The following RANBP2 variants were observed in gnomAD, a reference collection of about 807,000 sequenced individuals.
RANBP2 encodes E3 SUMO-protein ligase RanBP2.
A neutral mutation model predicts 303.6 loss-of-function variants in RANBP2; 57 were observed. The observed-to-expected ratio is 0.19, with a 90% CI of 0.15 to 0.23. The LOEUF is 0.23. Among genes scored for constraint, RANBP2 ranks in the 10% least tolerant of loss-of-function variants. The pLI is 1.00. For missense variants in RANBP2, 3,138 were observed against 3,780.8 expected (o/e 0.83, Z 4.46); for synonymous variants, 1,167 against 1,301.5 (o/e 0.90, Z 2.23).
At chr2:108,908,349 GTT>G in the RANBP2 span, among the ~76,000 whole-genome samples, 1 of 152,166 alleles carries the variant, frequency 6.6e-6, no homozygotes, top group Non-Finnish European at 1.5e-5. Context: ...CTCCGTGAAG[GTT>G]CATTGAATAT....
chr2:109,557,542 T>C, the RANBP2 span, among the ~76,000 whole-genome samples: 6 of 152,216 alleles, frequency 3.9e-5, no homozygotes, highest in African/African-American at 1.2e-4. Flanking sequence ...ACAAATCAGA[T>C]TGCCCCAATG....
chr2:108,794,592 T>A, the RANBP2 span: 1 of 1,614,130 alleles, frequency 6.2e-7, no homozygotes, highest in South Asian at 1.1e-5. Flanking sequence ...AGTGTTGTAG[T>A]GATGCAGGTG....
the RANBP2 span, among the ~76,000 whole-genome samples, chr2:109,648,814 G>A: frequency 5.3e-5 from 8 of 151,612 alleles, no homozygotes; most frequent in South Asian, 2.1e-4. Context: ...CCACCACTTC[G>A]GGCTCATTTT....
chr2:108,732,117 G>A (rs1041044535), intron 4 of RANBP2, among the ~76,000 whole-genome samples: 16 of 152,098 alleles, frequency 1.1e-4, no homozygotes, highest in African/African-American at 3.9e-4. Flanking sequence ...TTTATCGTGT[G>A]TGTACAATAT....
chr2:109,482,106 G>A, the RANBP2 span, among the ~76,000 whole-genome samples: 11 of 152,090 alleles, frequency 7.2e-5, no homozygotes, highest in African/African-American at 2.4e-4. Context: ...AGCAAGTCCC[G>A]GGTTCGAATG....
At chr2:108,952,636 C>T in the RANBP2 span, among the ~76,000 whole-genome samples, 1 of 152,282 alleles carries the variant, frequency 6.6e-6, no homozygotes, top group East Asian at 1.9e-4. Context: ...TTCTTTAAAT[C>T]CTTGAACATA....
chr2:108,787,095 G>A (rs1223989422), downstream of RANBP2, among the ~76,000 whole-genome samples: 2 of 152,070 alleles, frequency 1.3e-5, no homozygotes, highest in African/African-American at 2.4e-5. Flanking sequence ...TGCGCTGCGG[G>A]GGTGCGGGGG....
chr2:109,452,573 C>G, the RANBP2 span, among the ~76,000 whole-genome samples: 2 of 152,180 alleles, frequency 1.3e-5, no homozygotes, highest in Admixed American at 6.5e-5. Flanking sequence ...CTCCTGGGCG[C>G]CGTAGAGTAG....
the RANBP2 span, among the ~76,000 whole-genome samples, chr2:109,282,460 A>T: frequency 1.1e-4 from 17 of 152,160 alleles, no homozygotes; most frequent in Non-Finnish European, 2.5e-4. Context: ...CTGCCAGGTC[A>T]TGAGCACTGC....
chr2:109,049,914 G>T, the RANBP2 span, among the ~76,000 whole-genome samples: 5 of 152,180 alleles, frequency 3.3e-5, no homozygotes, highest in African/African-American at 4.8e-5. Context: ...GACACATCTG[G>T]TCAGAGTAAA....
chr2:109,503,622 G>A, the RANBP2 span: 1 of 152,176 alleles, frequency 6.6e-6, no homozygotes, highest in African/African-American at 2.4e-5. Flanking sequence ...AATCCTGTGC[G>A]TGTTTAAATT....
intron 20 of RANBP2, among the ~76,000 whole-genome samples, chr2:108,771,361 C>CA (rs1677484528): frequency 6.6e-6 from 1 of 151,872 alleles, no homozygotes; most frequent in Admixed American, 6.6e-5. Flanking sequence ...CTATTGTATG[C>CA]TAAGTATAGT....
the RANBP2 span, among the ~76,000 whole-genome samples, chr2:109,285,076 AG>A: frequency 6.6e-6 from 1 of 152,216 alleles, no homozygotes; most frequent in Non-Finnish European, 1.5e-5. Flanking sequence ...GTCCTGGAAG[AG>A]GCCCAGGCAG....
At chr2:108,978,614 C>T in the RANBP2 span, among the ~76,000 whole-genome samples, 1 of 152,076 alleles carries the variant, frequency 6.6e-6, no homozygotes, top group Admixed American at 6.5e-5. Context: ...ATAAATAATT[C>T]ATTTTAACTA....
At chr2:108,780,612 T>C (rs1678188730) in intron 25 of RANBP2, among the ~76,000 whole-genome samples, 1 of 150,840 alleles carries the variant, frequency 6.6e-6, no homozygotes, top group Non-Finnish European at 1.5e-5. Context: ...TCACTGCAAC[T>C]TCTGCCCCCC....
At chr2:109,182,432 A>G in the RANBP2 span, among the ~76,000 whole-genome samples, 48 of 152,316 alleles carry the variant, frequency 3.2e-4, no homozygotes, top group East Asian at 1.9e-4. Context: ...TTAGGGATCA[A>G]ATTTCCAACA....
intron 17 of RANBP2, among the ~76,000 whole-genome samples, chr2:108,758,023 C>T (rs759308530): frequency 3.9e-5 from 6 of 152,066 alleles, no homozygotes; most frequent in South Asian, 2.1e-4. Context: ...CAGGTCCGGG[C>T]GTGGTGGGTC....
At chr2:108,852,625 G>A in the RANBP2 span, among the ~76,000 whole-genome samples, 3 of 152,266 alleles carry the variant, frequency 2.0e-5, no homozygotes, top group Non-Finnish European at 4.4e-5. Flanking sequence ...CTTGGAGGCC[G>A]TTATCCTTAA....
At chr2:109,291,965 G>A in the RANBP2 span, among the ~76,000 whole-genome samples, 3 of 152,232 alleles carry the variant, frequency 2.0e-5, no homozygotes, top group Non-Finnish European at 2.9e-5. Context: ...TCAAGTTCAC[G>A]CCATTCTTAT....
Sources: allele counts gnomAD v4.1 joint callset (sites outside exome capture counted in the v4.1 genomes callset), GRCh38; gene constraint gnomAD v4.1.1; transcripts MANE v1.5; gene names NCBI Gene and HGNC (gene_info 2026-07-23, HGNC 2026-07-21).